C1orf185: variants seen among roughly 807,000 people sequenced by gnomAD.
C1orf185 encodes the protein uncharacterized protein C1orf185.
C1orf185 carries 13 observed loss-of-function variants against 16.1 expected under a neutral mutation model. The ratio of observed to expected loss-of-function variants is 0.81; its 90% confidence interval spans 0.53 to 1.28. The LOEUF is 1.28. C1orf185 is among the 50% of genes most tolerant of loss of function. The pLI is 0.00. For missense variants in C1orf185, 220 were observed against 225.2 expected, an observed-to-expected ratio of 0.98 and a Z score of 0.15; for synonymous variants, 80 against 76.9, an observed-to-expected ratio of 1.04 and a Z score of -0.21.
At chr1:51,107,735 CT>C (rs1179106635) in intron 1 of C1orf185, among the ~76,000 whole-genome samples, 5 of 152,192 alleles carry the variant, frequency 3.3e-5, no homozygotes, top group African/African-American at 4.8e-5. Flanking sequence ...AGAACTCCCC[CT>C]GATGTTGGTG....
rs1336243057 is a variant in C1orf185, at chr1:51,147,698, A to G, written c.527A>G (p.Glu176Gly). The G allele has an allele frequency of 1.3e-6, 2 of 1,551,394 alleles. No homozygotes were observed. The highest frequency in any genetic ancestry group is 2.7e-5 in the African/African-American group (2 of 73,158). The change falls in exon 5 of 5, where the codon GAA (glutamate) becomes GGA (glycine). Residue 176 changes from glutamate (E) to glycine (G), a missense_variant. Coordinates refer to ENST00000371759, the MANE Select transcript of C1orf185 (RefSeq NM_001136508.2). ...PMPSLGEPLM[E>G]KVFSYLSTIS... ...CCTTCTCTCGGGGAACCTCTAATGG[A>G]AAAAGTATTTTCATACCTGTCAACC...
intron 2 of C1orf185, among the ~76,000 whole-genome samples, chr1:51,113,849 A>G (rs1388128892): frequency 1.3e-5 from 2 of 152,242 alleles, no homozygotes; most frequent in Non-Finnish European, 2.9e-5. Flanking sequence ...CCTAGAAATT[A>G]TTCACTTATT....
chr1:51,132,915 T>C (rs527799895), intron 3 of C1orf185, among the ~76,000 whole-genome samples: 3 of 152,336 alleles, frequency 2.0e-5, no homozygotes, highest in Non-Finnish European at 2.9e-5. Flanking sequence ...TTCAATGTTC[T>C]TAAAGATAAG....
intron 2 of C1orf185, among the ~76,000 whole-genome samples, chr1:51,115,597 G>A (rs567799872): frequency 6.6e-6 from 1 of 152,254 alleles, no homozygotes; most frequent in African/African-American, 2.4e-5. Flanking sequence ...TGGATCATAT[G>A]ATTAGCTTTA....
intron 3 of C1orf185, among the ~76,000 whole-genome samples, chr1:51,131,998 G>A (rs2148024878): frequency 6.6e-6 from 1 of 152,302 alleles, no homozygotes; most frequent in South Asian, 2.1e-4. Context: ...GGGAGCTGAG[G>A]ATTGGCTGCC....
chr1:51,103,092 T>C (rs560351618), intron 1 of C1orf185, among the ~76,000 whole-genome samples: 3 of 152,140 alleles, frequency 2.0e-5, no homozygotes, highest in South Asian at 4.1e-4. Context: ...ATGGTATATA[T>C]AATAATGATT....
intron 3 of C1orf185, among the ~76,000 whole-genome samples, chr1:51,130,669 C>T (rs1238825620): frequency 1.3e-5 from 2 of 152,126 alleles, no homozygotes; most frequent in African/African-American, 4.8e-5. Flanking sequence ...TGTCTCAGCA[C>T]ACTTATCAAA....
At chr1:51,148,914 A>C (rs1359141377), downstream of C1orf185, among the ~76,000 whole-genome samples, 1 of 152,230 alleles carries the variant, frequency 6.6e-6, no homozygotes, top group Non-Finnish European at 1.5e-5. Context: ...TGGGCAACAA[A>C]GTGAGACCCT....
At chr1:51,114,419 C>T (rs1646143600) in intron 2 of C1orf185, among the ~76,000 whole-genome samples, 1 of 152,150 alleles carries the variant, frequency 6.6e-6, no homozygotes, top group South Asian at 2.1e-4. Context: ...GTAATATTAT[C>T]TCCATTTTAA....
At chr1:51,123,189 C>A (rs1175393026) in intron 3 of C1orf185, among the ~76,000 whole-genome samples, 1 of 152,118 alleles carries the variant, frequency 6.6e-6, no homozygotes, top group Non-Finnish European at 1.5e-5. Flanking sequence ...CTGTGATAAC[C>A]CATTAATCTA....
downstream of C1orf185, among the ~76,000 whole-genome samples, chr1:51,148,548 A>G (rs1646415485): frequency 6.6e-6 from 1 of 152,230 alleles, no homozygotes; most frequent in South Asian, 2.1e-4. Flanking sequence ...TAAAACACAT[A>G]AATTACTTAC....
chr1:51,105,572 A>T (rs1249896517), intron 1 of C1orf185, among the ~76,000 whole-genome samples: 1 of 152,110 alleles, frequency 6.6e-6, no homozygotes, highest in Admixed American at 6.6e-5. Context: ...TTATTGAGTA[A>T]CCAGTCATTA....
chr1:51,110,442 T>A (rs1193955763), intron 1 of C1orf185, among the ~76,000 whole-genome samples: 1 of 152,192 alleles, frequency 6.6e-6, no homozygotes, highest in Non-Finnish European at 1.5e-5. Flanking sequence ...AATGTAGACA[T>A]TTCTGATCTC....
intron 3 of C1orf185, 51 bp downstream of exon 3, chr1:51,118,852 C>G: frequency 1.6e-6 from 2 of 1,240,342 alleles, no homozygotes; most frequent in East Asian, 2.9e-5. Context: ...CTTTTGATAC[C>G]ATGTTATTAG....
intron 3 of C1orf185, among the ~76,000 whole-genome samples, chr1:51,127,050 A>T (rs1646246813): frequency 6.6e-6 from 1 of 152,162 alleles, no homozygotes; most frequent in African/African-American, 2.4e-5. Flanking sequence ...AAGTGAAATT[A>T]ATGTGATTTA....
chr1:51,118,219 C>T (rs1043479406), intron 2 of C1orf185, among the ~76,000 whole-genome samples: 1 of 152,220 alleles, frequency 6.6e-6, no homozygotes, highest in African/African-American at 2.4e-5. Flanking sequence ...CGCACCAGCC[C>T]CTCTTACTTT....
chr1:51,133,067 A>C (rs1482369263), intron 3 of C1orf185, among the ~76,000 whole-genome samples: 1 of 152,220 alleles, frequency 6.6e-6, no homozygotes. Flanking sequence ...GGAAGCACTA[A>C]ATATGGAAAG....
At chr1:51,152,199 G>A (rs1013897648), downstream of C1orf185, among the ~76,000 whole-genome samples, 3 of 152,120 alleles carry the variant, frequency 2.0e-5, no homozygotes, top group Non-Finnish European at 4.4e-5. Context: ...ATCAGCAGTT[G>A]GAAGAACTGG....
At chr1:51,144,472 G>A (rs1348377983) in intron 3 of C1orf185, among the ~76,000 whole-genome samples, 1 of 152,178 alleles carries the variant, frequency 6.6e-6, no homozygotes, top group Admixed American at 6.5e-5. Context: ...AGCACTTTGG[G>A]AGGCTACGGT....
Sources: gnomAD v4.1 joint callset for allele counts (sites outside exome capture counted in the v4.1 genomes callset) on GRCh38, gnomAD v4.1.1 for gene constraint, MANE v1.5 for transcripts, NCBI Gene and HGNC (gene_info 2026-07-23, HGNC 2026-07-21) for gene names.